The following STPG2 variants were observed in gnomAD, a reference collection of about 807,000 sequenced individuals.
STPG2 encodes the protein sperm-tail PG-rich repeat-containing protein 2.
STPG2 carries 56 observed loss-of-function variants against 54.2 expected under a neutral mutation model. The ratio of observed to expected loss-of-function variants is 1.03; its 90% CI spans 0.83 to 1.29. STPG2 has a LOEUF of 1.29. STPG2 is among the 50% of genes most tolerant of loss of function. STPG2 has a pLI of 0.00. For synonymous variants in STPG2, 200 were observed against 181.8 expected (o/e 1.10, Z -0.81); for missense variants, 596 against 544.9 (o/e 1.09, Z -0.93).
intron 9 of STPG2, among the ~76,000 whole-genome samples, chr4:97,831,162 T>C (rs1728445302): frequency 6.6e-6 from 1 of 152,114 alleles, no homozygotes; most frequent in African/African-American, 2.4e-5. Context: ...ATGGAAATCA[T>C]AGCAAACAGT....
chr4:97,612,905 TA>T (rs1269287726), intron 10 of STPG2, among the ~76,000 whole-genome samples: 10 of 151,986 alleles, frequency 6.6e-5, no homozygotes, highest in Admixed American at 3.9e-4. Flanking sequence ...TAATGATAAT[TA>T]AAAATATATT....
chr4:97,503,202 C>A (rs1403265704), intron 4 of STPG2, among the ~76,000 whole-genome samples: 1 of 151,772 alleles, frequency 6.6e-6, no homozygotes, highest in Non-Finnish European at 1.5e-5. Context: ...ATTAAATTTT[C>A]AGAATCTCTA....
chr4:97,555,646 A>AT (rs1284119111), downstream of STPG2, among the ~76,000 whole-genome samples: 2 of 152,126 alleles, frequency 1.3e-5, no homozygotes, highest in Admixed American at 1.3e-4. Context: ...GAGTAAGGGG[A>AT]CATAATAATT....
rs539289880 is a variant in STPG2 at position 97,940,086 on chromosome 4, C to A, written c.1044+3811G>T. Among the ~76,000 whole-genome samples the A allele has an allele frequency of 9.1e-4, 138 of 152,252 alleles. 1 individual carries two copies. The highest frequency in any genetic ancestry group is 1.6e-3 in the Non-Finnish European group (108 of 68,020). ...TCTTAACTTAGCTGGATATAAAATT[C>A]TTGGTTGAAGATTTTTTCTTTAAGA... On this transcript the variant is annotated intron_variant, in intron 8 of 10. Transcript: ENST00000295268.
intron 3 of STPG2, among the ~76,000 whole-genome samples, chr4:98,117,517 C>T (rs3907021): frequency 0.4 from 60,019 of 151,700 alleles, 12,123 homozygotes; most frequent in Middle Eastern, 0.46. Context: ...TTTTCTCCTT[C>T]CTCTTTCTCC....
intron 9 of STPG2, among the ~76,000 whole-genome samples, chr4:97,729,586 C>A (rs953513225): frequency 1.3e-5 from 2 of 152,060 alleles, no homozygotes; most frequent in Non-Finnish European, 2.9e-5. Context: ...GGAGTTCTTT[C>A]CCCTATTACA....
chr4:98,065,903 C>G (rs1273356210), intron 5 of STPG2, among the ~76,000 whole-genome samples: 1 of 152,098 alleles, frequency 6.6e-6, no homozygotes, highest in Non-Finnish European at 1.5e-5. Flanking sequence ...TATCTTGATA[C>G]ACCTACCTAG....
intron 9 of STPG2, among the ~76,000 whole-genome samples, chr4:97,798,434 T>TTACG: frequency 6.6e-6 from 1 of 152,196 alleles, no homozygotes; most frequent in African/African-American, 2.4e-5. Context: ...CTTCATTTCG[T>TTACG]TATGAACCCC....
At chr4:98,075,925 G>T (rs578210082) in intron 5 of STPG2, among the ~76,000 whole-genome samples, 55 of 152,230 alleles carry the variant, frequency 3.6e-4, no homozygotes, top group Non-Finnish European at 6.5e-4. Context: ...GAGAAGAAAA[G>T]ACCATACAAT....
chr4:97,954,743 AGT>A (rs1016585816), intron 7 of STPG2, among the ~76,000 whole-genome samples: 3 of 152,248 alleles, frequency 2.0e-5, no homozygotes, highest in African/African-American at 7.2e-5. Context: ...TGCAGAGGAA[AGT>A]GTGAAATTTC....
At chr4:97,640,549 T>C (rs1365216147) in intron 10 of STPG2, among the ~76,000 whole-genome samples, 2 of 151,854 alleles carry the variant, frequency 1.3e-5, no homozygotes, top group East Asian at 1.9e-4. Flanking sequence ...TTGACAAATA[T>C]GGATTCAAGT....
At chr4:97,968,469 C>T (rs1314517976) in intron 7 of STPG2, among the ~76,000 whole-genome samples, 2 of 152,086 alleles carry the variant, frequency 1.3e-5, no homozygotes, top group Non-Finnish European at 2.9e-5. Context: ...CAAAGCCTGG[C>T]AGAGACACAA....
chr4:97,664,383 G>A (rs764810116), intron 10 of STPG2, among the ~76,000 whole-genome samples: 1 of 152,172 alleles, frequency 6.6e-6, no homozygotes, highest in African/African-American at 2.4e-5. Flanking sequence ...ATCAATGACA[G>A]TCTAATATAA....
intron 8 of STPG2, among the ~76,000 whole-genome samples, chr4:97,894,079 G>A (rs1250312892): frequency 6.6e-6 from 1 of 151,908 alleles, no homozygotes; most frequent in Non-Finnish European, 1.5e-5. Context: ...AAAAGTATAA[G>A]ATACTTTGCA....
chr4:97,848,416 C>T (rs1174266671), intron 8 of STPG2, among the ~76,000 whole-genome samples: 1 of 152,106 alleles, frequency 6.6e-6, no homozygotes, highest in Non-Finnish European at 1.5e-5. Context: ...ATTTACCCTT[C>T]AAATTTATCG....
chr4:97,445,582 C>T (rs1467366239), intron 4 of STPG2, among the ~76,000 whole-genome samples: 3 of 152,066 alleles, frequency 2.0e-5, no homozygotes, highest in Admixed American at 6.6e-5. Context: ...AAACTGTCTT[C>T]AAAATCTGGT....
At chr4:97,602,072 CT>C (rs1196215852) in intron 10 of STPG2, among the ~76,000 whole-genome samples, 6 of 151,700 alleles carry the variant, frequency 4.0e-5, no homozygotes, top group African/African-American at 9.7e-5. Context: ...CATGCAATTG[CT>C]TTTAATATAA....
chr4:97,789,030 G>C (rs192049924), intron 9 of STPG2, among the ~76,000 whole-genome samples: 1 of 151,098 alleles, frequency 6.6e-6, no homozygotes, highest in Admixed American at 6.6e-5. Context: ...TAATACAAAT[G>C]TTAAAAACTG....
chr4:97,585,587 T>A (rs1179069772), intron 10 of STPG2, among the ~76,000 whole-genome samples: 1 of 152,074 alleles, frequency 6.6e-6, no homozygotes, highest in Non-Finnish European at 1.5e-5. Context: ...GTTTTCTAGA[T>A]CTTTCAGACA....
Sources: allele counts gnomAD v4.1 joint callset (sites outside exome capture counted in the v4.1 genomes callset), GRCh38; gene constraint gnomAD v4.1.1; transcripts MANE v1.5; gene names NCBI Gene and HGNC (gene_info 2026-07-23, HGNC 2026-07-21).